The following ACSL3 variants were observed in gnomAD, a reference collection of about 807,000 sequenced individuals.
ACSL3 encodes fatty acid CoA ligase Acsl3.
A neutral mutation model predicts 84.7 loss-of-function variants in ACSL3; 34 were observed. That is an observed-to-expected ratio of 0.40 (90% CI 0.31 to 0.53). ACSL3 has a LOEUF of 0.53. Among genes scored for constraint, ACSL3 ranks in the 20% least tolerant of loss-of-function variants. ACSL3 has a pLI of 0.48. For synonymous variants in ACSL3, 315 were observed against 299.4 expected, an observed-to-expected ratio of 1.05 and a Z score of -0.54; for missense variants, 680 against 873.1, an observed-to-expected ratio of 0.78 and a Z score of 2.79.
chr2:222,862,662 T>A (rs1274536178), intron 1 of ACSL3, among the ~76,000 whole-genome samples: 1 of 152,112 alleles, frequency 6.6e-6, no homozygotes, highest in Admixed American at 6.6e-5. Flanking sequence ...GCCTTCTAAT[T>A]GTCGCATGCG....
At chr2:222,868,645 A>T (rs1695215298) in intron 1 of ACSL3, among the ~76,000 whole-genome samples, 1 of 152,192 alleles carries the variant, frequency 6.6e-6, no homozygotes, top group Non-Finnish European at 1.5e-5. Flanking sequence ...TTATATTTTA[A>T]TATCAATAAT....
chr2:222,908,907 C>T lies in ACSL3; in HGVS notation c.135C>T (p.Ser45=), dbSNP rs141059382. The change falls in exon 4 of 17, where the codon TCC becomes TCT. Residue 45 remains serine (S), a synonymous_variant. Coordinates refer to ENST00000357430, the MANE Select transcript of ACSL3 (RefSeq NM_004457.5). The stretch of plus-strand genomic sequence containing the variant: ...CATACATTCCGTTTTATTTTTTCTC[C>T]GAGTCAAGACAAGAAAAATCAAACC... ...ILTYIPFYFF[S]ESRQEKSNRI... 1.7e-4 allele frequency: 268 copies of T among 1,611,378 alleles called. No individual in the cohort carries two copies. The highest frequency in any genetic ancestry group is 1.4e-3 in the African/African-American group (106 of 74,826).
intron 1 of ACSL3, among the ~76,000 whole-genome samples, chr2:222,886,412 C>CT: frequency 6.6e-6 from 1 of 152,116 alleles, no homozygotes; most frequent in African/African-American, 2.4e-5. Context: ...TGAACTCATT[C>CT]TTTTTTATGG....
At chr2:222,921,653 C>A (rs1696743329) in intron 8 of ACSL3, among the ~76,000 whole-genome samples, 1 of 152,064 alleles carries the variant, frequency 6.6e-6, no homozygotes, top group South Asian at 2.1e-4. Flanking sequence ...AAGTACAGAA[C>A]TTAAATTTGT....
rs1295139997 is a variant in ACSL3 at position 222,919,458 on chromosome 2, TTTC to T, written c.805+259_805+261del. 3.1e-5 allele frequency: 9 copies of T among 294,270 alleles called. No individual in the cohort carries two copies. In the South Asian group the frequency reaches 3.7e-4, roughly 12 times the overall value. The allele number at this position is 294,270 out of a possible 1,614,324, so 18.2% of individuals were successfully genotyped here. On this transcript the variant is annotated intron_variant, in intron 7 of 16. Transcript: ENST00000357430. The stretch of plus-strand genomic sequence containing the variant: ...TAAAATATTTTACATTCAGTTTTCA[TTTC>T]TTTTTTATGGTGATAGTTTTGGGTG...
chr2:222,883,824 A>G (rs795882), intron 1 of ACSL3, among the ~76,000 whole-genome samples: 77,912 of 151,928 alleles, frequency 0.51, 20,602 homozygotes, highest in East Asian at 0.76. Context: ...GCTCTTCTTT[A>G]TCTGGAAAAG....
intron 1 of ACSL3, among the ~76,000 whole-genome samples, chr2:222,869,976 A>G (rs910187260): frequency 1.3e-5 from 2 of 152,162 alleles, no homozygotes; most frequent in Non-Finnish European, 2.9e-5. Context: ...TAGCAAATGG[A>G]GAGAATTGAG....
chr2:222,869,952 G>C (rs1695256106), intron 1 of ACSL3, among the ~76,000 whole-genome samples: 1 of 152,138 alleles, frequency 6.6e-6, no homozygotes, highest in Non-Finnish European at 1.5e-5. Context: ...GAATAGAAAG[G>C]GAGAACTAGC....
chr2:222,943,027 A>G lies in ACSL3; in HGVS notation c.*1373A>G, dbSNP rs1697360645. The G allele has an allele frequency of 4.5e-6, 1 of 222,222 alleles. No homozygotes were observed. Among genetic ancestry groups the G allele is most frequent in the Non-Finnish European group, 9.0e-6 (1 of 111,272 alleles). 13.8% of individuals were successfully genotyped at this position (222,222 alleles called of 1,614,324 possible). A position where few individuals can be genotyped will look rare whatever the true frequency, so the allele number is the denominator to read the frequency against. On this transcript the variant is annotated 3_prime_UTR_variant, in exon 17 of 17. Coordinates refer to ENST00000357430, the MANE Select transcript of ACSL3 (RefSeq NM_004457.5). ...TTAAATCATAGGCACCACATTTTTC[A>G]TGTCAGACTAGTTACTTTGTTGATT...
At chr2:222,867,980 CTT>C (rs35688859) in intron 1 of ACSL3, among the ~76,000 whole-genome samples, 55 of 140,238 alleles carry the variant, frequency 3.9e-4, no homozygotes, top group African/African-American at 1.2e-3. Flanking sequence ...ACTTTCTTTG[CTT>C]TTTTTTTTTT....
At chr2:222,906,700 C>T (rs1574544052) in intron 3 of ACSL3, among the ~76,000 whole-genome samples, 1 of 151,930 alleles carries the variant, frequency 6.6e-6, no homozygotes, top group South Asian at 2.1e-4. Context: ...CTGCAATCTC[C>T]GCCTCCCAGG....
At chr2:222,938,088 C>T (rs1053495097) in intron 16 of ACSL3, among the ~76,000 whole-genome samples, 4 of 152,024 alleles carry the variant, frequency 2.6e-5, no homozygotes, top group South Asian at 2.1e-4. Context: ...TAACTCTGCT[C>T]CTCCCTCAAA....
rs56937176 is a variant in ACSL3 at position 222,866,438 on chromosome 2, G to A, written c.-207+5180G>A. Among the ~76,000 whole-genome samples the A allele has an allele frequency of 9.2e-5, 14 of 152,158 alleles. No homozygotes were observed. In the East Asian group the frequency reaches 1.4e-3, roughly 15 times the overall value. ...GGGATTACAGGCTGGGAGCTACTGC[G>A]CTGACTGCAAAATAGGTTCTTTTAT... is the stretch of plus-strand genomic sequence containing the variant. On this transcript the variant is annotated intron_variant, in intron 1 of 16. Coordinates refer to ENST00000357430, the MANE Select transcript of ACSL3 (RefSeq NM_004457.5).
In ACSL3 at chr2:222,930,788, C is replaced by A. The variant is rs746110621; in HGVS notation, c.1708C>A (p.Pro570Thr). 5 of 1,606,106 alleles carry A rather than the reference C, an allele frequency of 3.1e-6. No homozygotes were observed. The African/African-American group carries it at 5.4e-5, about 17-fold the overall frequency. The stretch of plus-strand genomic sequence containing the variant: ...TACTGGGGATATTGGAGAGTTTGAA[C>A]CCGATGGATGCTTAAAGATTATTGG... Reference protein sequence around the residue: ...LCTGDIGEFEPDGCLKIIDRK... With the variant: ...LCTGDIGEFETDGCLKIIDRK... Residue 570 changes from proline (P) to threonine (T), a missense_variant, in exon 14 of 17, where the codon CCC (proline) becomes ACC (threonine). Transcript: ENST00000357430.
intron 16 of ACSL3, among the ~76,000 whole-genome samples, chr2:222,938,046 C>A (rs1015069317): frequency 1.3e-5 from 2 of 152,084 alleles, no homozygotes; most frequent in Non-Finnish European, 2.9e-5. Flanking sequence ...GCAGCTTAAT[C>A]TTCCGTCTCA....
At position 222,880,722 on chromosome 2, in the gene ACSL3, C is replaced by G. The variant is rs183673606; in HGVS notation, c.-206-7108C>G. Among the ~76,000 whole-genome samples the G allele has an allele frequency of 4.0e-4, 60 of 151,178 alleles. No individual in the cohort carries two copies. In the East Asian group the frequency reaches 8.8e-3, roughly 22 times the overall value. On this transcript the variant is annotated intron_variant, in intron 1 of 16. Transcript: ENST00000357430. ...GTGGGTGCCTGGAGTCCCAGCTACT[C>G]AGGAGGCTGAGACAGGAGAATGGCG...
At chr2:222,870,601 A>G (rs535537086) in intron 1 of ACSL3, among the ~76,000 whole-genome samples, 162 of 152,358 alleles carry the variant, frequency 1.1e-3, no homozygotes, top group African/African-American at 3.6e-3. Context: ...TGCCTAATCA[A>G]TTTAGATGCT....
chr2:222,929,222 A>T (rs1197300173), intron 13 of ACSL3, among the ~76,000 whole-genome samples: 4 of 152,244 alleles, frequency 2.6e-5, no homozygotes, highest in African/African-American at 7.2e-5. Flanking sequence ...TCAATAAATT[A>T]GGAGTGATCA....
chr2:222,911,099 G>A (rs1203077847), intron 4 of ACSL3, among the ~76,000 whole-genome samples: 2 of 151,086 alleles, frequency 1.3e-5, no homozygotes, highest in Admixed American at 1.3e-4. Context: ...GCCCAGGCTG[G>A]AGTGCAATGG....
Sources: gnomAD v4.1 joint callset for allele counts (sites outside exome capture counted in the v4.1 genomes callset) on GRCh38, gnomAD v4.1.1 for gene constraint, MANE v1.5 for transcripts, NCBI Gene and HGNC (gene_info 2026-07-23, HGNC 2026-07-21) for gene names.